TAS2R1: variants seen among roughly 807,000 people sequenced by gnomAD.
TAS2R1 encodes taste 2 receptor member 1, also known as taste receptor type 2 member 1.
For missense variants in TAS2R1, 370 were observed against 353.4 expected, an observed-to-expected ratio of 1.05 and a Z score of -0.38; for synonymous variants, 141 against 134.2, an observed-to-expected ratio of 1.05 and a Z score of -0.35.
intron 1 of TAS2R1, among the ~76,000 whole-genome samples, chr5:9,684,476 T>C (rs1287025385): frequency 1.3e-5 from 2 of 152,134 alleles, no homozygotes; most frequent in African/African-American, 4.8e-5. Flanking sequence ...AATTCAGTAG[T>C]TTTGCTGCAC....
the TAS2R1 span, among the ~76,000 whole-genome samples, chr5:9,778,972 C>T: frequency 6.6e-6 from 1 of 152,198 alleles, no homozygotes; most frequent in African/African-American, 2.4e-5. Context: ...AGCTTTCAGC[C>T]TGTTTTGGCT....
At chr5:9,769,839 A>C in the TAS2R1 span, among the ~76,000 whole-genome samples, 1 of 152,220 alleles carries the variant, frequency 6.6e-6, no homozygotes, top group East Asian at 1.9e-4. Flanking sequence ...GATAGTTTGC[A>C]AATATTTTCT....
the TAS2R1 span, among the ~76,000 whole-genome samples, chr5:9,894,259 C>A: frequency 0.017 from 2,573 of 152,206 alleles, 71 homozygotes; most frequent in African/African-American, 0.056. Context: ...AAAAAATTAG[C>A]CAGCCGTGGT....
chr5:9,763,727 A>C, the TAS2R1 span, among the ~76,000 whole-genome samples: 1 of 152,170 alleles, frequency 6.6e-6, no homozygotes, highest in African/African-American at 2.4e-5. Context: ...GGTAGAGCCA[A>C]GTGCCGCAAC....
chr5:9,684,488 G>A (rs1054469572), intron 1 of TAS2R1, among the ~76,000 whole-genome samples: 1 of 152,186 alleles, frequency 6.6e-6, no homozygotes, highest in Non-Finnish European at 1.5e-5. Context: ...TTGCTGCACT[G>A]AAGGGTGGAT....
the TAS2R1 span, among the ~76,000 whole-genome samples, chr5:9,755,587 C>CAA: frequency 0.01 from 984 of 94,522 alleles, 16 homozygotes; most frequent in Non-Finnish European, 0.015. Flanking sequence ...ACTCCATCTC[C>CAA]AAAAAAAAAA....
At chr5:9,872,979 A>G in the TAS2R1 span, among the ~76,000 whole-genome samples, 1 of 152,222 alleles carries the variant, frequency 6.6e-6, no homozygotes, top group African/African-American at 2.4e-5. Context: ...TTTAGGGTGC[A>G]TTAGAAATGG....
chr5:9,854,786 T>A, the TAS2R1 span, among the ~76,000 whole-genome samples: 1 of 152,300 alleles, frequency 6.6e-6, no homozygotes, highest in African/African-American at 2.4e-5. Context: ...ATTTGGTAAG[T>A]ATTTTCTCAT....
chr5:9,710,914 TTATA>T (rs1317279325), intron 1 of TAS2R1, among the ~76,000 whole-genome samples: 1 of 146,140 alleles, frequency 6.8e-6, no homozygotes, highest in Non-Finnish European at 1.5e-5. Context: ...TATAACCAGA[TTATA>T]TATATTATAT....
the TAS2R1 span, among the ~76,000 whole-genome samples, chr5:9,722,789 T>C: frequency 2.0e-5 from 3 of 152,350 alleles, no homozygotes; most frequent in East Asian, 1.9e-4. Flanking sequence ...TCACAACCCA[T>C]ACTGTTGCCA....
At chr5:9,797,983 A>G in the TAS2R1 span, among the ~76,000 whole-genome samples, 10 of 152,346 alleles carry the variant, frequency 6.6e-5, no homozygotes, top group African/African-American at 2.4e-4. Flanking sequence ...TTAAAAGTGG[A>G]AACAATCGGG....
At chr5:9,793,426 A>G in the TAS2R1 span, among the ~76,000 whole-genome samples, 138,227 of 152,256 alleles carry the variant, frequency 0.91, 62,995 homozygotes, top group African/African-American at 0.98. Context: ...AGAAAACTAA[A>G]CTTTGATCAC....
chr5:9,898,619 A>C, the TAS2R1 span, among the ~76,000 whole-genome samples: 1 of 152,192 alleles, frequency 6.6e-6, no homozygotes, highest in Non-Finnish European at 1.5e-5. Context: ...GTTCCTAGAA[A>C]CTCTGCAAGG....
the TAS2R1 span, among the ~76,000 whole-genome samples, chr5:9,812,158 C>A: frequency 6.6e-6 from 1 of 152,052 alleles, no homozygotes; most frequent in East Asian, 1.9e-4. Flanking sequence ...CCTGCCCCAC[C>A]CAATAACCCA....
At chr5:9,833,417 G>A in the TAS2R1 span, among the ~76,000 whole-genome samples, 3 of 152,106 alleles carry the variant, frequency 2.0e-5, no homozygotes, top group Non-Finnish European at 2.9e-5. Context: ...ACTTTTCAAC[G>A]CTGTTGCTAA....
the TAS2R1 span, chr5:9,854,239 G>A: frequency 1.3e-5 from 2 of 151,672 alleles, no homozygotes; most frequent in Non-Finnish European, 2.9e-5. Flanking sequence ...CTTCCTGTGT[G>A]TGTCTCTCTG....
the TAS2R1 span, among the ~76,000 whole-genome samples, chr5:9,762,656 A>T: frequency 1.3e-5 from 2 of 152,222 alleles, 1 homozygote; most frequent in Admixed American, 1.3e-4. Flanking sequence ...TGGTGTTTAA[A>T]AGATAGCACA....
At chr5:9,692,973 CT>C in intron 1 of TAS2R1, among the ~76,000 whole-genome samples, 1 of 152,072 alleles carries the variant, frequency 6.6e-6, no homozygotes, top group Non-Finnish European at 1.5e-5. Context: ...TTTCCTCTCT[CT>C]TTTCCTCCTG....
upstream of TAS2R1, chr5:9,630,503 T>C (rs1253691800): frequency 1.2e-5 from 2 of 165,168 alleles, no homozygotes; most frequent in African/African-American, 4.8e-5. Flanking sequence ...TATGATGATA[T>C]GGTACAACCA....
Sources: allele counts gnomAD v4.1 joint callset (sites outside exome capture counted in the v4.1 genomes callset), GRCh38; gene constraint gnomAD v4.1.1; transcripts MANE v1.5; gene names NCBI Gene and HGNC (gene_info 2026-07-23, HGNC 2026-07-21).